PIK3CA: variants seen among roughly 807,000 people sequenced by gnomAD.
PIK3CA encodes the protein phosphatidylinositol-4,5-bisphosphate 3-kinase catalytic subunit alpha, also known as phosphatidylinositol 4,5-bisphosphate 3-kinase catalytic subunit alpha isoform.
Under a neutral mutation model 138.2 loss-of-function variants are expected in PIK3CA, and 27 were observed. The observed-to-expected ratio is 0.20, with a 90% CI of 0.14 to 0.27. The LOEUF (loss-of-function observed/expected upper bound fraction) is 0.27. PIK3CA is among the 10% of genes least tolerant of loss of function. The pLI is 1.00. For synonymous variants in PIK3CA, 358 were observed against 413.2 expected (o/e 0.87, Z 1.62); for missense variants, 544 against 1,277.4 (o/e 0.43, Z 8.75).
At chr3:179,162,555 A>C (rs1723312026) in intron 1 of PIK3CA, among the ~76,000 whole-genome samples, 1 of 152,152 alleles carries the variant, frequency 6.6e-6, no homozygotes, top group Admixed American at 6.5e-5. Flanking sequence ...GAAAACCAAG[A>C]GTCAACTGAG....
intron 1 of PIK3CA, among the ~76,000 whole-genome samples, chr3:179,196,426 C>A (rs1300547200): frequency 6.6e-6 from 1 of 152,148 alleles, no homozygotes; most frequent in African/African-American, 2.4e-5. Context: ...TATAATTGTT[C>A]ATACAGATTG....
chr3:179,170,887 AGG>A (rs1723542973), intron 1 of PIK3CA, among the ~76,000 whole-genome samples: 1 of 152,214 alleles, frequency 6.6e-6, no homozygotes, highest in South Asian at 2.1e-4. Flanking sequence ...AACAGTTGAT[AGG>A]ATAAGTAAAC....
chr3:179,152,213 A>G (rs1001247831), intron 1 of PIK3CA, among the ~76,000 whole-genome samples: 16 of 152,214 alleles, frequency 1.1e-4, no homozygotes, highest in Non-Finnish European at 2.4e-4. Flanking sequence ...TTGAGATGTT[A>G]TAAATTGTAT....
chr3:179,195,084 T>G (rs981903540), intron 1 of PIK3CA, among the ~76,000 whole-genome samples: 1 of 151,118 alleles, frequency 6.6e-6, no homozygotes, highest in Non-Finnish European at 1.5e-5. Flanking sequence ...TGTAGATAGC[T>G]ATAACATTTC....
chr3:179,221,696 C>CTTTTTTT (rs200211358), intron 14 of PIK3CA, among the ~76,000 whole-genome samples: 2 of 77,572 alleles, frequency 2.6e-5, no homozygotes, highest in African/African-American at 5.5e-5. Flanking sequence ...ACAATGTAAA[C>CTTTTTTT]TTTTTTTTTT....
rs1356990190 is a variant in PIK3CA, at chr3:179,230,022, C to G, written c.2685C>G (p.Asp895Glu). The G allele has an allele frequency of 1.2e-6, 2 of 1,611,976 alleles. No homozygotes were observed. Among genetic ancestry groups the G allele is most frequent in the Admixed American group, 1.7e-5 (1 of 59,924 alleles). The change falls in exon 19 of 21, where the codon GAC becomes GAG. Residue 895 changes from aspartate (D) to glutamate (E), a missense_variant. This residue lies in a region of PIK3CA where 72 missense variants were observed against 271.8 expected (regional missense o/e 0.26). Coordinates refer to ENST00000263967, the MANE Select transcript of PIK3CA (RefSeq NM_006218.4). The surrounding 1 kb of genome is among the most constrained non-coding windows in gnomAD (Gnocchi z 5.4). ...NKGEIYDAAI[D>E]LFTRSCAGYC... ...TTTGTAGATATGATGCAGCCATTGA[C>G]CTGTTTACACGTTCATGTGCTGGAT...
intron 1 of PIK3CA, among the ~76,000 whole-genome samples, chr3:179,161,611 C>T (rs548001751): frequency 3.3e-5 from 5 of 152,262 alleles, no homozygotes; most frequent in African/African-American, 9.6e-5. Flanking sequence ...GCAGCAGAAT[C>T]GCTTAAACCC....
intron 9 of PIK3CA, among the ~76,000 whole-genome samples, chr3:179,212,133 G>A (rs995158241): frequency 9.2e-5 from 14 of 151,764 alleles, no homozygotes; most frequent in Non-Finnish European, 1.6e-4. Context: ...TCAGCCTCCT[G>A]AGTAGCTGGG....
rs1451783656 is a variant in PIK3CA at position 179,219,916 on chromosome 3, C to G, written c.1912-33C>G. ...TTTCTTTAGATCGGCCATGCAGAAA[C>G]TGACCCTGATTTGTTTTTTTGGAAT... On this transcript the variant is annotated intron_variant, in intron 12 of 20. Transcript: ENST00000263967. This position sits in a 1 kb window ranked among gnomAD's most constrained non-coding sequence, Gnocchi z 4.2. 6.2e-7 allele frequency: 1 copy of G among 1,605,368 alleles called. No homozygotes were observed. Among genetic ancestry groups the G allele is most frequent in the Non-Finnish European group, 8.5e-7 (1 of 1,177,196 alleles).
intron 6 of PIK3CA, 40 bp downstream of exon 6, chr3:179,204,628 T>G (rs771025280): frequency 2.0e-6 from 2 of 1,011,976 alleles, no homozygotes; most frequent in Non-Finnish European, 3.1e-6. Flanking sequence ...AAGGTTATAT[T>G]AGTGTTTAGC....
chr3:179,193,273 A>G (rs1166993369), intron 1 of PIK3CA, among the ~76,000 whole-genome samples: 3 of 152,216 alleles, frequency 2.0e-5, no homozygotes, highest in East Asian at 1.9e-4. Flanking sequence ...CTGTTGTCAT[A>G]TATTTTGTGC....
chr3:179,183,173 G>T (rs1299995748), intron 1 of PIK3CA, among the ~76,000 whole-genome samples: 1 of 152,114 alleles, frequency 6.6e-6, no homozygotes, highest in Non-Finnish European at 1.5e-5. Context: ...GTCAATAATT[G>T]CTTGCAATGG....
Position 179,198,765 on chromosome 3 carries a change from C to A in PIK3CA, c.-61C>A. The A allele has an allele frequency of 2.2e-6, 2 of 918,916 alleles. No individual in the cohort carries two copies. Among genetic ancestry groups the A allele is most frequent in the Non-Finnish European group, 3.2e-6 (2 of 620,786 alleles). 56.9% of individuals were successfully genotyped at this position (918,916 alleles called of 1,614,324 possible). On this transcript the variant is annotated 5_prime_UTR_variant, in exon 2 of 21. Transcript: ENST00000263967. ...TTTGATTTAGGTTTCTGCTTTGGGA[C>A]AACCATACATCTAATTCCTTAAAGT...
At chr3:179,192,049 A>G (rs1162125048) in intron 1 of PIK3CA, among the ~76,000 whole-genome samples, 1 of 152,244 alleles carries the variant, frequency 6.6e-6, no homozygotes, top group Non-Finnish European at 1.5e-5. Context: ...AAAACATCTT[A>G]GGCTGTATTT....
chr3:179,222,470 C>A (rs1002369751), intron 14 of PIK3CA, among the ~76,000 whole-genome samples: 1 of 152,142 alleles, frequency 6.6e-6, no homozygotes, highest in African/African-American at 2.4e-5. Context: ...ATTTTAGATA[C>A]ATTTGTAAAT....
In PIK3CA at chr3:179,234,477, G is replaced by T; in HGVS notation, c.*113G>T. ...ATTGCACAATCCATGAACAGCATTA[G>T]AATTTACAGCAAGAACAGAAATAAA... On this transcript the variant is annotated 3_prime_UTR_variant, in exon 21 of 21. Transcript: ENST00000263967. This position sits in a 1 kb window ranked among gnomAD's most constrained non-coding sequence, Gnocchi z 5.1. 1.3e-6 allele frequency: 1 copy of T among 758,348 alleles called. No individual in the cohort carries two copies. Among genetic ancestry groups the T allele is most frequent in the East Asian group, 2.6e-5 (1 of 37,812 alleles). The allele number at this position is 758,348 out of a possible 1,614,324, so 47.0% of individuals were successfully genotyped here.
intron 7 of PIK3CA, among the ~76,000 whole-genome samples, chr3:179,209,969 T>TG (rs1248880192): frequency 6.6e-6 from 1 of 152,164 alleles, no homozygotes; most frequent in Non-Finnish European, 1.5e-5. Flanking sequence ...ATCTCATGCT[T>TG]GCTTTGGTTC....
intron 18 of PIK3CA, 105 bp downstream of exon 18, chr3:179,229,547 C>A: frequency 1.4e-6 from 1 of 717,448 alleles, no homozygotes; most frequent in Non-Finnish European, 2.1e-6. Flanking sequence ...AACAATTGTA[C>A]TTTCTATGGA....
intron 1 of PIK3CA, among the ~76,000 whole-genome samples, chr3:179,192,906 G>A (rs572675979): frequency 1.3e-5 from 2 of 152,228 alleles, no homozygotes; most frequent in African/African-American, 4.8e-5. Context: ...AGATGTCATT[G>A]TCTTCTTGGT....
Sources: gnomAD v4.1 joint callset for allele counts (sites outside exome capture counted in the v4.1 genomes callset) on GRCh38, gnomAD v4.1.1 for gene constraint, gnomAD v4.1.1 regional missense constraint, Gnocchi (gnomAD v3.1) non-coding constraint, MANE v1.5 for transcripts, NCBI Gene and HGNC (gene_info 2026-07-23, HGNC 2026-07-21) for gene names.